MACROD2: variants seen among roughly 807,000 people sequenced by gnomAD.
The protein encoded by MACROD2 is ADP-ribose glycohydrolase MACROD2.
MACROD2 carries 36 observed loss-of-function variants against 70.4 expected under a neutral mutation model. The observed-to-expected ratio is 0.51, with a 90% CI of 0.39 to 0.68. The LOEUF is 0.68. Among genes scored for constraint, MACROD2 ranks in the 30% least tolerant of loss-of-function variants. The pLI is 0.00. For synonymous variants in MACROD2, 172 were observed against 178.8 expected (o/e 0.96, Z 0.30); for missense variants, 496 against 538.4 (o/e 0.92, Z 0.78).
intron 5 of MACROD2, among the ~76,000 whole-genome samples, chr20:15,164,932 T>C (rs1214854347): frequency 1.3e-5 from 2 of 151,836 alleles, no homozygotes; most frequent in Non-Finnish European, 2.9e-5. Flanking sequence ...AATATCAATA[T>C]CAGCATAAAT....
At chr20:14,648,956 T>C (rs1052980517) in intron 4 of MACROD2, among the ~76,000 whole-genome samples, 3 of 152,178 alleles carry the variant, frequency 2.0e-5, no homozygotes, top group Non-Finnish European at 2.9e-5. Context: ...CAGTTTCTCC[T>C]TCAAGTGCTA....
chr20:15,661,407 A>G (rs1726748644), intron 8 of MACROD2, among the ~76,000 whole-genome samples: 1 of 152,196 alleles, frequency 6.6e-6, no homozygotes, highest in Admixed American at 6.5e-5. Flanking sequence ...GCATATGAAA[A>G]GAAGGGAAAA....
chr20:14,118,483 T>G (rs2054541532), intron 3 of MACROD2, among the ~76,000 whole-genome samples: 1 of 152,240 alleles, frequency 6.6e-6, no homozygotes, highest in Non-Finnish European at 1.5e-5. Flanking sequence ...TGGAAAAGTT[T>G]GGGGATTTCT....
At chr20:14,076,717 C>T (rs1341153369) in intron 2 of MACROD2, among the ~76,000 whole-genome samples, 3 of 151,988 alleles carry the variant, frequency 2.0e-5, no homozygotes, top group Admixed American at 6.6e-5. Flanking sequence ...TATAACTTTG[C>T]TAAGTCTTCA....
chr20:15,177,118 C>T (rs2076468164), intron 5 of MACROD2, among the ~76,000 whole-genome samples: 1 of 152,218 alleles, frequency 6.6e-6, no homozygotes, highest in African/African-American at 2.4e-5. Context: ...TTCTCTGTGC[C>T]TGGCTCACCT....
At chr20:15,912,274 G>A (rs1273786397) in intron 10 of MACROD2, among the ~76,000 whole-genome samples, 1 of 152,170 alleles carries the variant, frequency 6.6e-6, no homozygotes, top group African/African-American at 2.4e-5. Context: ...TTCCCTTTGG[G>A]TGTTCAATTG....
intron 8 of MACROD2, among the ~76,000 whole-genome samples, chr20:15,845,405 A>C (rs1351121147): frequency 6.6e-6 from 1 of 152,144 alleles, no homozygotes; most frequent in East Asian, 1.9e-4. Context: ...TTTTTTGCTC[A>C]TTACAGTTTG....
Position 15,297,741 on chromosome 20 carries a change from A to G in MACROD2, c.540+67680A>G, listed in dbSNP as rs1343722162. The stretch of plus-strand genomic sequence containing the variant: ...ATTGTGTGCATTGTTAGAGACCCCT[A>G]TATGACTTTGACTTCGTCAGAAGAG... On this transcript the variant is annotated intron_variant, in intron 6 of 17. Transcript: ENST00000684519. 7.9e-5 allele frequency among the ~76,000 whole-genome samples: 12 copies of G among 152,198 alleles called. No individual in the cohort carries two copies. The East Asian group carries it at 2.1e-3, about 27-fold the overall frequency.
intron 3 of MACROD2, among the ~76,000 whole-genome samples, chr20:14,309,522 C>T (rs6135113): frequency 0.69 from 105,042 of 151,976 alleles, 36,885 homozygotes; most frequent in Non-Finnish European, 0.75. Context: ...CCTGTTCCCT[C>T]GGGTGATATT....
rs1050310261 is a variant in MACROD2 at position 15,096,447 on chromosome 20, T to C, written c.419-133493T>C. ...ATATTAGCCATAAATCCCATGCTAA[T>C]ATATATATAAATATATATAAATACG... On this transcript the variant is annotated intron_variant, in intron 5 of 17. Transcript: ENST00000684519. Among the ~76,000 whole-genome samples the C allele has an allele frequency of 2.7e-5, 4 of 148,322 alleles. No individual in the cohort carries two copies. In the Admixed American group the frequency reaches 2.7e-4, roughly 10 times the overall value.
At chr20:15,195,476 A>G (rs1259287449) in intron 5 of MACROD2, among the ~76,000 whole-genome samples, 1 of 152,236 alleles carries the variant, frequency 6.6e-6, no homozygotes. Flanking sequence ...CAAACATGAA[A>G]AAAAAGTTCA....
At chr20:15,155,923 C>G (rs1298283857) in intron 5 of MACROD2, among the ~76,000 whole-genome samples, 1 of 151,856 alleles carries the variant, frequency 6.6e-6, no homozygotes, top group African/African-American at 2.4e-5. Flanking sequence ...AAATCTGGTG[C>G]TTTGCTTCTA....
intron 6 of MACROD2, among the ~76,000 whole-genome samples, chr20:15,382,468 A>C (rs1245530953): frequency 6.6e-6 from 1 of 152,234 alleles, no homozygotes; most frequent in Non-Finnish European, 1.5e-5. Context: ...GAAAAATTTA[A>C]GAAAGCAGGG....
rs182498697 is a variant in MACROD2, at chr20:14,376,532, C to T, written c.272-116947C>T. On this transcript the variant is annotated intron_variant, in intron 3 of 17. Coordinates refer to ENST00000684519, the MANE Select transcript of MACROD2 (RefSeq NM_001351661.2). Reference sequence around the variant, plus strand: ...GGAGGCCAAGGTGGGAGGATCATTGCGCCCTGGAGTTCAAGACCAACCTGG... The same window carrying T: ...GGAGGCCAAGGTGGGAGGATCATTGTGCCCTGGAGTTCAAGACCAACCTGG... Among the ~76,000 whole-genome samples the T allele has an allele frequency of 9.9e-5, 15 of 152,028 alleles. 1 individual carries two copies. The highest frequency in any genetic ancestry group is 3.3e-4 in the Admixed American group (5 of 15,256).
chr20:14,958,514 C>G (rs2074556748), intron 5 of MACROD2, among the ~76,000 whole-genome samples: 2 of 152,158 alleles, frequency 1.3e-5, no homozygotes, highest in Non-Finnish European at 2.9e-5. Context: ...TCCTGGCACT[C>G]CCATCCAGGC....
chr20:15,652,115 C>T (rs2049654096), intron 8 of MACROD2, among the ~76,000 whole-genome samples: 1 of 152,124 alleles, frequency 6.6e-6, no homozygotes, highest in South Asian at 2.1e-4. Context: ...GATTCCTAGA[C>T]ACTGATGTCA....
At chr20:15,853,172 G>A (rs2064318981) in intron 8 of MACROD2, among the ~76,000 whole-genome samples, 2 of 152,108 alleles carry the variant, frequency 1.3e-5, no homozygotes, top group African/African-American at 4.8e-5. Flanking sequence ...TTATTTCCAT[G>A]CCAGCACCAG....
intron 5 of MACROD2, among the ~76,000 whole-genome samples, chr20:14,903,052 T>A (rs1297211108): frequency 1.3e-5 from 2 of 149,260 alleles, no homozygotes; most frequent in Non-Finnish European, 3.0e-5. Context: ...TTTTTTTTTT[T>A]TTTTTTGAGA....
Position 14,989,898 on chromosome 20 carries a change from A to G in MACROD2, c.419-240042A>G, listed in dbSNP as rs62202789. On this transcript the variant is annotated intron_variant, in intron 5 of 17. Coordinates refer to ENST00000684519, the MANE Select transcript of MACROD2 (RefSeq NM_001351661.2). ...GTGAAACTGCTGCCTGGAATTTTCT[A>G]TGTTCCTACAATCACCCTGTATTAT... Among the ~76,000 whole-genome samples, 777 of 152,182 alleles carry G rather than the reference A, an allele frequency of 5.1e-3. 5 individuals are homozygous for G. Among genetic ancestry groups the G allele is most frequent in the Admixed American group, 0.011 (173 of 15,288 alleles).
Sources: allele counts gnomAD v4.1 joint callset (sites outside exome capture counted in the v4.1 genomes callset), GRCh38; gene constraint gnomAD v4.1.1; transcripts MANE v1.5; gene names NCBI Gene and HGNC (gene_info 2026-07-23, HGNC 2026-07-21).